ACACA: variants seen among roughly 807,000 people sequenced by gnomAD.
The protein encoded by ACACA is acetyl-CoA carboxylase 1.
A neutral mutation model predicts 296.1 loss-of-function variants in ACACA; 103 were observed. That is an observed-to-expected ratio of 0.35 (90% CI 0.30 to 0.41). The LOEUF is 0.41. Ranked by LOEUF, ACACA falls within the 10% of genes least tolerant of loss-of-function variation. The probability of loss-of-function intolerance (pLI) is 1.00; values close to 1 mark genes in which losing one functional copy is unlikely to be tolerated. For missense variants in ACACA, 1,554 were observed against 2,989.7 expected (o/e 0.52, Z 11.20); for synonymous variants, 953 against 1,038.6 (o/e 0.92, Z 1.58).
chr17:37,317,215 A>G (rs944479358), intron 3 of ACACA, among the ~76,000 whole-genome samples: 1 of 152,200 alleles, frequency 6.6e-6, no homozygotes, highest in African/African-American at 2.4e-5. Context: ...TAAGTGGTAA[A>G]AAATACAGAA....
chr17:37,241,930 A>C (rs1462474759), intron 23 of ACACA, 23 bp downstream of exon 23: 1 of 1,586,464 alleles, frequency 6.3e-7, no homozygotes, highest in Admixed American at 1.7e-5. Context: ...CAGGTCTGGG[A>C]ATCTGGAGTT....
intron 50 of ACACA, among the ~76,000 whole-genome samples, chr17:37,119,036 TCAGTGGGCCCCC>T (rs1353237276): frequency 1.3e-5 from 2 of 152,188 alleles, no homozygotes; most frequent in Non-Finnish European, 2.9e-5. Context: ...GAGTACATTC[TCAGTGGGCCCCC>T]CACAAAGAGA....
chr17:37,317,751 C>T (rs914371102), intron 3 of ACACA, among the ~76,000 whole-genome samples: 5 of 152,094 alleles, frequency 3.3e-5, no homozygotes, highest in African/African-American at 9.7e-5. Context: ...GCAGCTGTAC[C>T]GAGCCTTACT....
At chr17:37,202,893 T>A (rs1196596617) in intron 33 of ACACA, among the ~76,000 whole-genome samples, 1 of 151,218 alleles carries the variant, frequency 6.6e-6, no homozygotes, top group Non-Finnish European at 1.5e-5. Flanking sequence ...CCACACCTAG[T>A]CAAGGAAAAG....
rs773126800 is a variant in ACACA, at chr17:37,149,854, A to G, written c.5679+10T>C. ...GCTATGCATACTTCTTCAAAACCCTAGAAACTTACTTTGTTGAGGGCTCCA... is the reference window on the plus strand; with the variant it reads ...GCTATGCATACTTCTTCAAAACCCTGGAAACTTACTTTGTTGAGGGCTCCA... On this transcript the variant is annotated intron_variant, in intron 45 of 55. Transcript: ENST00000616317. The G allele has an allele frequency of 3.2e-5, 52 of 1,610,680 alleles. No homozygotes were observed. Among genetic ancestry groups the G allele is most frequent in the Admixed American group, 2.8e-4 (17 of 60,000 alleles).
intron 3 of ACACA, among the ~76,000 whole-genome samples, chr17:37,300,630 A>G (rs1220664077): frequency 6.6e-6 from 1 of 152,274 alleles, no homozygotes; most frequent in East Asian, 1.9e-4. Flanking sequence ...TAGAAGTTAA[A>G]TAATCAGATA....
At chr17:37,233,041 A>C (rs1442788526) in intron 25 of ACACA, among the ~76,000 whole-genome samples, 2 of 152,192 alleles carry the variant, frequency 1.3e-5, no homozygotes, top group East Asian at 3.8e-4. Context: ...AGGTGGGAGA[A>C]AAAAAGAACA....
intron 45 of ACACA, 81 bp downstream of exon 45, chr17:37,149,783 C>T: frequency 7.8e-7 from 1 of 1,277,250 alleles, no homozygotes; most frequent in Admixed American, 1.7e-5. Flanking sequence ...CTGCTTCCTT[C>T]CAATCAGGAT....
At chr17:37,125,169 A>G (rs2074718670) in intron 48 of ACACA, among the ~76,000 whole-genome samples, 1 of 152,156 alleles carries the variant, frequency 6.6e-6, no homozygotes, top group Non-Finnish European at 1.5e-5. Flanking sequence ...CTTCAAAAAT[A>G]TAGGTATCTT....
intron 1 of ACACA, among the ~76,000 whole-genome samples, chr17:37,340,529 A>G (rs1248864396): frequency 3.3e-5 from 5 of 152,240 alleles, no homozygotes; most frequent in Non-Finnish European, 7.3e-5. Context: ...TAAGTTCCAC[A>G]GTTAATTGAC....
rs537616601 is a variant in ACACA at position 37,349,021 on chromosome 17, A to G, written c.39-9171T>C. ...CGTAAATATATGTTAAAACTATTGG[A>G]TAAAGGGTTTTCAGAAAACAACATA... On this transcript the variant is annotated intron_variant, in intron 1 of 55. Coordinates refer to ENST00000616317, the MANE Select transcript of ACACA (RefSeq NM_198834.3). Among the ~76,000 whole-genome samples the G allele has an allele frequency of 1.3e-3, 204 of 151,426 alleles. 2 individuals are homozygous for G. Among genetic ancestry groups the G allele is most frequent in the South Asian group, 0.01 (50 of 4,796 alleles).
rs76285312 is a variant in ACACA, at chr17:37,237,342, T to C, written c.3122-2243A>G. Among the ~76,000 whole-genome samples the C allele has an allele frequency of 6.3e-3, 957 of 152,332 alleles. 11 individuals carry two copies. The highest frequency in any genetic ancestry group is 0.022 in the African/African-American group (899 of 41,576). ...CACAAATACTCCTGTATATGTATCCTAGTAAACATGTGTAATAGTTTCTCT... is the reference window on the plus strand; with the variant it reads ...CACAAATACTCCTGTATATGTATCCCAGTAAACATGTGTAATAGTTTCTCT... On this transcript the variant is annotated intron_variant, in intron 24 of 55. Transcript: ENST00000616317.
At chr17:37,138,833 T>C (rs2075437292) in intron 45 of ACACA, among the ~76,000 whole-genome samples, 2 of 152,258 alleles carry the variant, frequency 1.3e-5, no homozygotes, top group South Asian at 4.1e-4. Flanking sequence ...GCTCTTGCTC[T>C]GGCTCTCTTT....
intron 1 of ACACA, among the ~76,000 whole-genome samples, chr17:37,394,272 T>TCA (rs2050999063): frequency 6.6e-6 from 1 of 151,502 alleles, no homozygotes. Flanking sequence ...GTGCAATGGT[T>TCA]CAATCTCAGC....
chr17:37,162,871 C>T (rs2076517424), intron 41 of ACACA: 1 of 164,262 alleles, frequency 6.1e-6, no homozygotes, highest in Non-Finnish European at 1.3e-5. Context: ...ACTACGACTC[C>T]CGTAGCAGCA....
chr17:37,344,511 T>C (rs1006964388), intron 1 of ACACA, among the ~76,000 whole-genome samples: 1 of 152,020 alleles, frequency 6.6e-6, no homozygotes, highest in Non-Finnish European at 1.5e-5. Context: ...TGAGCTGAGA[T>C]CATGCCATTG....
chr17:37,198,917 TAAC>T (rs1414346301), intron 35 of ACACA, among the ~76,000 whole-genome samples: 1 of 152,210 alleles, frequency 6.6e-6, no homozygotes, highest in Non-Finnish European at 1.5e-5. Context: ...AAGCAAGGCT[TAAC>T]AACCAAATTA....
At chr17:37,222,332 C>T (rs1317623629) in intron 28 of ACACA, among the ~76,000 whole-genome samples, 1 of 152,180 alleles carries the variant, frequency 6.6e-6, no homozygotes, top group African/African-American at 2.4e-5. Context: ...CCGACTTCCC[C>T]ACCCGCTCAA....
intron 25 of ACACA, among the ~76,000 whole-genome samples, chr17:37,234,204 C>A (rs2079999915): frequency 6.6e-6 from 1 of 152,180 alleles, no homozygotes; most frequent in Admixed American, 6.5e-5. Flanking sequence ...AGCAGCAAGG[C>A]AAATGCTCAG....
Sources: allele counts gnomAD v4.1 joint callset (sites outside exome capture counted in the v4.1 genomes callset), GRCh38; gene constraint gnomAD v4.1.1; transcripts MANE v1.5; gene names NCBI Gene and HGNC (gene_info 2026-07-23, HGNC 2026-07-21).